Variants in NTM observed in about 807,000 individuals in gnomAD.
NTM encodes IgLON family member 2.
A neutral mutation model predicts 42.1 loss-of-function variants in NTM; 13 were observed. The observed-to-expected ratio is 0.31, with a 90% CI of 0.20 to 0.49. The LOEUF (loss-of-function observed/expected upper bound fraction) is 0.49. Ranked by LOEUF, NTM falls within the 20% of genes least tolerant of loss-of-function variation. The pLI is 0.99. For missense variants in NTM, 373 were observed against 452.8 expected, an observed-to-expected ratio of 0.82 and a Z score of 1.60; for synonymous variants, 187 against 179.2, an observed-to-expected ratio of 1.04 and a Z score of -0.35.
At chr11:132,301,832 A>AAGAT (rs1855459879) in intron 4 of NTM, among the ~76,000 whole-genome samples, 1 of 152,202 alleles carries the variant, frequency 6.6e-6, no homozygotes, top group Non-Finnish European at 1.5e-5. Flanking sequence ...CTGACGTCCA[A>AAGAT]AGATTGTATC....
chr11:131,748,532 A>G (rs1175355588), intron 1 of NTM, among the ~76,000 whole-genome samples: 1 of 152,170 alleles, frequency 6.6e-6, no homozygotes, highest in Non-Finnish European at 1.5e-5. Flanking sequence ...GGCTTTGTAA[A>G]CACTGTGCCT....
chr11:132,082,382 G>C (rs1246323788), intron 2 of NTM, among the ~76,000 whole-genome samples: 1 of 152,128 alleles, frequency 6.6e-6, no homozygotes, highest in Non-Finnish European at 1.5e-5. Context: ...AAGAGGCAAG[G>C]CTCCTCCCAG....
chr11:131,428,145 C>G (rs749276251), intron 1 of NTM, among the ~76,000 whole-genome samples: 6 of 152,160 alleles, frequency 3.9e-5, no homozygotes, highest in Non-Finnish European at 8.8e-5. Flanking sequence ...ATGTAGAAAA[C>G]GTTATTCTCA....
chr11:132,256,758 G>A (rs1490504083), intron 4 of NTM, among the ~76,000 whole-genome samples: 1 of 152,034 alleles, frequency 6.6e-6, no homozygotes, highest in Non-Finnish European at 1.5e-5. Context: ...TTCAGGAGAG[G>A]CAGAGGTGGG....
chr11:131,370,796 G>GAA lies in NTM; in HGVS notation c.-4_-3dup. 1 of 1,607,946 alleles carries GAA rather than the reference G, an allele frequency of 6.2e-7. No homozygotes were observed. The highest frequency in any genetic ancestry group is 8.5e-7 in the Non-Finnish European group (1 of 1,177,014). On this transcript the variant is annotated 5_prime_UTR_variant, in exon 1 of 9. Coordinates refer to ENST00000683400, the MANE Select transcript of NTM (RefSeq NM_001352005.2). ...TGACAAAAAAGAAGAAAAAGAAGAAGAAAAAAAATCATGAAAACCATCCAG... is the reference window on the plus strand; with the variant it reads ...TGACAAAAAAGAAGAAAAAGAAGAAGAAAAAAAAAATCATGAAAACCATCCAG...
intron 2 of NTM, among the ~76,000 whole-genome samples, chr11:132,012,907 A>T (rs2072548217): frequency 6.6e-6 from 1 of 152,074 alleles, no homozygotes; most frequent in Non-Finnish European, 1.5e-5. Flanking sequence ...TTCTTAGGTG[A>T]CTTTTCGGAG....
At chr11:132,299,696 G>C (rs539103422) in intron 4 of NTM, among the ~76,000 whole-genome samples, 7 of 152,272 alleles carry the variant, frequency 4.6e-5, no homozygotes, top group African/African-American at 1.7e-4. Context: ...ATTTCCCAGA[G>C]TTGGGCTCTA....
rs146414628 is a variant in NTM at position 131,384,261 on chromosome 11, G to A, written c.82+13373G>A. On this transcript the variant is annotated intron_variant, in intron 1 of 8. Transcript: ENST00000683400. ...TTGAGGGCAAACACTAGTCTTTAAA[G>A]GCTGGGAGGAGAAGGGATCTGGAAA... 2.4e-4 allele frequency among the ~76,000 whole-genome samples: 36 copies of A among 152,284 alleles called. No individual in the cohort carries two copies. In the East Asian group the frequency reaches 3.9e-3, roughly 16 times the overall value.
At chr11:131,588,342 G>A (rs1323454328) in intron 1 of NTM, among the ~76,000 whole-genome samples, 4 of 152,222 alleles carry the variant, frequency 2.6e-5, no homozygotes, top group Admixed American at 6.5e-5. Context: ...CACAGGCTTT[G>A]TATAACTTAA....
intron 2 of NTM, among the ~76,000 whole-genome samples, chr11:132,017,238 C>T (rs1180945831): frequency 1.3e-5 from 2 of 151,860 alleles, no homozygotes; most frequent in Non-Finnish European, 1.5e-5. Flanking sequence ...GATTTTTCTT[C>T]TACATTTTCT....
At chr11:132,272,779 C>G (rs932325380) in intron 4 of NTM, among the ~76,000 whole-genome samples, 3 of 151,838 alleles carry the variant, frequency 2.0e-5, no homozygotes, top group Admixed American at 6.6e-5. Context: ...TAGTGGATTT[C>G]TTAGTTTTCA....
At chr11:131,565,581 T>C (rs2056795300) in intron 1 of NTM, among the ~76,000 whole-genome samples, 1 of 152,238 alleles carries the variant, frequency 6.6e-6, no homozygotes, top group South Asian at 2.1e-4. Flanking sequence ...GAGCAGTGTC[T>C]GGACTTTGTA....
chr11:131,919,144 A>C (rs2056863069), intron 2 of NTM, among the ~76,000 whole-genome samples: 1 of 143,642 alleles, frequency 7.0e-6, no homozygotes, highest in Admixed American at 7.2e-5. Flanking sequence ...AGTAATAGGC[A>C]TCTCTCCTGG....
intron 2 of NTM, among the ~76,000 whole-genome samples, chr11:132,031,771 T>A (rs1461318232): frequency 6.6e-6 from 1 of 152,172 alleles, no homozygotes; most frequent in Non-Finnish European, 1.5e-5. Context: ...TGAAAATTGA[T>A]AATAGACTTA....
intron 1 of NTM, among the ~76,000 whole-genome samples, chr11:131,686,046 AACAG>A (rs1199669424): frequency 6.6e-6 from 1 of 152,114 alleles, no homozygotes; most frequent in Non-Finnish European, 1.5e-5. Flanking sequence ...TAAGGGGCTA[AACAG>A]ACAGGGGCTG....
chr11:131,623,275 C>T (rs2062760426), intron 1 of NTM, among the ~76,000 whole-genome samples: 1 of 152,182 alleles, frequency 6.6e-6, no homozygotes, highest in African/African-American at 2.4e-5. Context: ...CCTTCCTTGG[C>T]AGCATGGATG....
intron 1 of NTM, among the ~76,000 whole-genome samples, chr11:131,605,490 C>T (rs1392436678): frequency 6.6e-6 from 1 of 152,208 alleles, no homozygotes; most frequent in Admixed American, 6.5e-5. Context: ...GGGATTATGT[C>T]ATCTGCAGAC....
chr11:131,617,324 T>C (rs2062042791), intron 1 of NTM, among the ~76,000 whole-genome samples: 1 of 152,152 alleles, frequency 6.6e-6, no homozygotes, highest in Non-Finnish European at 1.5e-5. Context: ...AAAGAAAACG[T>C]GTGCTTCGTA....
At chr11:131,835,348 G>C (rs929589639) in intron 1 of NTM, among the ~76,000 whole-genome samples, 17 of 151,920 alleles carry the variant, frequency 1.1e-4, no homozygotes, top group African/African-American at 4.1e-4. Context: ...GGATATTCAC[G>C]ATACGTATAT....
Sources: allele counts gnomAD v4.1 joint callset (sites outside exome capture counted in the v4.1 genomes callset), GRCh38; gene constraint gnomAD v4.1.1; transcripts MANE v1.5; gene names NCBI Gene and HGNC (gene_info 2026-07-23, HGNC 2026-07-21).